The following RPRD1B variants were observed in gnomAD, a reference collection of about 807,000 sequenced individuals.
RPRD1B encodes regulation of nuclear pre-mRNA domain containing 1B, also known as regulation of nuclear pre-mRNA domain-containing protein 1B.
Under a neutral mutation model 41.5 loss-of-function variants are expected in RPRD1B, and 11 were observed. The observed-to-expected ratio is 0.27, with a 90% confidence interval of 0.17 to 0.44. The LOEUF (loss-of-function observed/expected upper bound fraction) is 0.44. RPRD1B is among the 20% of genes least tolerant of loss of function. The pLI is 1.00. For synonymous variants in RPRD1B, 158 were observed against 155.6 expected, an observed-to-expected ratio of 1.02 and a Z score of -0.12; for missense variants, 248 against 389.9, an observed-to-expected ratio of 0.64 and a Z score of 3.06.
At chr20:38,040,364 C>A in intron 1 of RPRD1B, 71 bp from the exon 2 acceptor site, 1 of 1,345,424 alleles carries the variant, frequency 7.4e-7, no homozygotes, top group East Asian at 2.5e-5. Context: ...TAGGAGCAGC[C>A]CAGGGCAAAA....
chr20:38,046,762 G>A (rs150125239), intron 2 of RPRD1B, among the ~76,000 whole-genome samples: 289 of 152,288 alleles, frequency 1.9e-3, no homozygotes, highest in African/African-American at 6.4e-3. Flanking sequence ...GCAGGAGGTT[G>A]GAGGACGGGG....
At chr20:38,044,467 G>A (rs2074101130) in intron 2 of RPRD1B, among the ~76,000 whole-genome samples, 1 of 148,754 alleles carries the variant, frequency 6.7e-6, no homozygotes, top group African/African-American at 2.5e-5. Context: ...TCCGCCTCTC[G>A]GGTTCATGCC....
intron 3 of RPRD1B, among the ~76,000 whole-genome samples, chr20:38,055,299 T>C (rs963860270): frequency 2.6e-5 from 4 of 152,220 alleles, no homozygotes; most frequent in Admixed American, 1.3e-4. Context: ...AGGGTTGCCT[T>C]CTTCTGGTAT....
intron 6 of RPRD1B, among the ~76,000 whole-genome samples, chr20:38,073,442 G>C (rs974696079): frequency 1.3e-5 from 2 of 152,136 alleles, no homozygotes; most frequent in African/African-American, 4.8e-5. Context: ...CAGCTGGGAA[G>C]GGGGAAATGG....
chr20:38,076,447 G>A (rs1418094764), intron 6 of RPRD1B, among the ~76,000 whole-genome samples: 1 of 152,194 alleles, frequency 6.6e-6, no homozygotes, highest in Non-Finnish European at 1.5e-5. Context: ...CAGTAAACTA[G>A]CTGAAGGTCC....
In RPRD1B at chr20:38,065,988, G is replaced by A. The variant is rs1825039714; in HGVS notation, c.656-93G>A. ...GCTTATTCTCAGACTCTGTATATTG[G>A]GAGAGAAACCGTTAACCTCCCCCAG... On this transcript the variant is annotated intron_variant, in intron 5 of 6. Transcript: ENST00000373433. 4.8e-6 allele frequency: 6 copies of A among 1,253,820 alleles called. No homozygotes were observed. The Admixed American group carries it at 9.9e-5, about 21-fold the overall frequency. 77.7% of individuals were successfully genotyped at this position (1,253,820 alleles called of 1,614,324 possible). A position where few individuals can be genotyped will look rare whatever the true frequency, so the allele number is the denominator to read the frequency against.
intron 1 of RPRD1B, among the ~76,000 whole-genome samples, chr20:38,036,127 A>C (rs1173518442): frequency 1.1e-4 from 17 of 152,134 alleles, no homozygotes; most frequent in Non-Finnish European, 1.5e-5. Context: ...GTTACTGAAA[A>C]AAAGCAAATT....
intron 5 of RPRD1B, among the ~76,000 whole-genome samples, chr20:38,060,999 A>G (rs1286912898): frequency 6.6e-6 from 1 of 152,262 alleles, no homozygotes; most frequent in African/African-American, 2.4e-5. Flanking sequence ...TGTCAAAATC[A>G]TAATCTGCAA....
At chr20:38,068,356 C>T (rs1344277992) in intron 6 of RPRD1B, among the ~76,000 whole-genome samples, 3 of 152,090 alleles carry the variant, frequency 2.0e-5, no homozygotes, top group Admixed American at 1.3e-4. Context: ...AAAATAGAGC[C>T]GATTTGCTGC....
chr20:38,049,608 T>C lies in RPRD1B; in HGVS notation c.415+1127T>C, dbSNP rs144213759. ...TGGTCTTGAACTCCTGACCTCGTGA[T>C]CCACCCGCCTCAGCCTCCCAAAGTG... On this transcript the variant is annotated intron_variant, in intron 3 of 6. Transcript: ENST00000373433. 5.0e-3 allele frequency: 2,026 copies of C among 402,094 alleles called. 18 individuals are homozygous for C. The highest frequency in any genetic ancestry group is 0.021 in the African/African-American group (993 of 47,762). The allele number at this position is 402,094 out of a possible 1,614,324, so 24.9% of individuals were successfully genotyped here.
intron 2 of RPRD1B, among the ~76,000 whole-genome samples, chr20:38,044,754 G>A (rs2074104517): frequency 6.6e-6 from 1 of 152,094 alleles, no homozygotes; most frequent in Admixed American, 6.5e-5. Flanking sequence ...GAAATGGTAG[G>A]GACACTCGGA....
intron 6 of RPRD1B, among the ~76,000 whole-genome samples, chr20:38,078,187 A>G (rs1404552881): frequency 6.6e-6 from 1 of 150,648 alleles, no homozygotes; most frequent in Non-Finnish European, 1.5e-5. Context: ...AAAAAAGACT[A>G]TGGGCCCAGC....
At chr20:38,088,413 C>T (rs1018985688) in intron 6 of RPRD1B, among the ~76,000 whole-genome samples, 7 of 152,224 alleles carry the variant, frequency 4.6e-5, no homozygotes, top group Admixed American at 4.6e-4. Flanking sequence ...TCCACGGTCA[C>T]ACAGCAGGTT....
intron 6 of RPRD1B, among the ~76,000 whole-genome samples, chr20:38,086,845 C>T (rs574164633): frequency 6.6e-6 from 1 of 152,270 alleles, no homozygotes; most frequent in South Asian, 2.1e-4. Context: ...TGAGTTTCTT[C>T]GGTAATGTCC....
chr20:38,053,145 G>A (rs551686828), intron 3 of RPRD1B, among the ~76,000 whole-genome samples: 4 of 152,204 alleles, frequency 2.6e-5, no homozygotes, highest in South Asian at 4.2e-4. Flanking sequence ...AATATATACC[G>A]TGGTAGAAGC....
chr20:38,037,495 A>G (rs370314663), intron 1 of RPRD1B, among the ~76,000 whole-genome samples: 4 of 152,248 alleles, frequency 2.6e-5, no homozygotes, highest in African/African-American at 7.2e-5. Context: ...TAGTGAGTGA[A>G]AGGACCTATT....
intron 3 of RPRD1B, among the ~76,000 whole-genome samples, chr20:38,055,274 A>G (rs1429222240): frequency 1.3e-5 from 2 of 152,242 alleles, no homozygotes; most frequent in Non-Finnish European, 2.9e-5. Context: ...AAACTTATCA[A>G]GAGTAGTTTG....
At chr20:38,057,494 A>G (rs1164409738) in intron 3 of RPRD1B, 38 bp from the exon 4 acceptor site, 1 of 1,431,488 alleles carries the variant, frequency 7.0e-7, no homozygotes, top group Non-Finnish European at 9.9e-7. Flanking sequence ...TCACTACAGG[A>G]TATGTGACTC....
intron 6 of RPRD1B, among the ~76,000 whole-genome samples, chr20:38,084,977 GC>G (rs1212347629): frequency 6.6e-6 from 1 of 152,120 alleles, no homozygotes; most frequent in Non-Finnish European, 1.5e-5. Flanking sequence ...CCTATTCGGG[GC>G]CCCCCACGGC....
Sources: allele counts gnomAD v4.1 joint callset (sites outside exome capture counted in the v4.1 genomes callset), GRCh38; gene constraint gnomAD v4.1.1; transcripts MANE v1.5; gene names NCBI Gene and HGNC (gene_info 2026-07-23, HGNC 2026-07-21).